The following CCDC92B variants were observed in gnomAD, a reference collection of about 807,000 sequenced individuals.
CCDC92B encodes the protein coiled-coil domain containing 92B, also known as coiled-coil domain-containing 92B.
CCDC92B carries 2 observed loss-of-function variants against 5.6 expected under a neutral mutation model. The ratio of observed to expected loss-of-function variants is 0.36; its 90% CI spans 0.15 to 1.12. The LOEUF (loss-of-function observed/expected upper bound fraction) is 1.12. CCDC92B is among the 50% of genes most tolerant of loss of function. The pLI, the probability that CCDC92B is intolerant of heterozygous loss-of-function variation, is 0.40. For synonymous variants in CCDC92B, 115 were observed against 122.3 expected (o/e 0.94, Z 0.39); for missense variants, 271 against 262.2 (o/e 1.03, Z -0.23).
chr17:2,727,383 C>T (rs769130392), intron 3 of CCDC92B, among the ~76,000 whole-genome samples: 3 of 152,188 alleles, frequency 2.0e-5, no homozygotes, highest in Admixed American at 6.5e-5. Flanking sequence ...GTGGTTCTCA[C>T]GTGCAGCGTG....
rs1194235262 is a variant in CCDC92B, at chr17:2,724,818, G to C, written c.361C>G (p.His121Asp). ...TCGGTGCCCAGCACGGTGGCGCGGT[G>C]GCTGCGGCGGCGCAGCTCCTCCAGG... ...RFLEELRRRSHRATVLGTELQ... is the reference protein window; with the variant it reads ...RFLEELRRRSDRATVLGTELQ... Residue 121 changes from histidine (H) to aspartate (D), a missense_variant, in exon 4 of 4, where the codon CAC becomes GAC. Physicochemically the swap from His to Asp is moderately conservative, Grantham distance 81. Coordinates refer to ENST00000614400, the MANE Select transcript of CCDC92B (RefSeq NM_001355573.2). The surrounding 1 kb of genome is among the most constrained non-coding windows in gnomAD (Gnocchi z 5.0). 2.0e-6 allele frequency: 2 copies of C among 984,816 alleles called. No homozygotes were observed. Among genetic ancestry groups the C allele is most frequent in the South Asian group, 9.4e-5 (2 of 21,290 alleles). 61.0% of individuals were successfully genotyped at this position (984,816 alleles called of 1,614,324 possible).
rs112035151 is a variant in CCDC92B, at chr17:2,723,869, A to C, written c.*542T>G. 0.018 allele frequency: 14,025 copies of C among 764,316 alleles called. 1,632 individuals are homozygous for C. The African/African-American group carries it at 0.24, about 13-fold the overall frequency. 47.3% of individuals were successfully genotyped at this position (764,316 alleles called of 1,614,324 possible). On this transcript the variant is annotated 3_prime_UTR_variant, in exon 4 of 4. Coordinates refer to ENST00000614400, the MANE Select transcript of CCDC92B (RefSeq NM_001355573.2). ...AAGTGTTCCGTGCTCACCTGCAAGG[A>C]CCTATCGGCAGGGTCAGGGTGGGGG...
At chr17:2,741,336 A>G (rs2070924134) in intron 1 of CCDC92B, among the ~76,000 whole-genome samples, 2 of 152,038 alleles carry the variant, frequency 1.3e-5, no homozygotes, top group Non-Finnish European at 2.9e-5. Flanking sequence ...GGTCGCAGGA[A>G]GGAAGGTTAG....
chr17:2,733,374 C>G (rs1451582461), intron 2 of CCDC92B, among the ~76,000 whole-genome samples: 3 of 151,820 alleles, frequency 2.0e-5, no homozygotes, highest in Non-Finnish European at 4.4e-5. Context: ...ATTCTCCTGC[C>G]TCAGCCTCCC....
intron 1 of CCDC92B, among the ~76,000 whole-genome samples, chr17:2,736,890 AT>A (rs2070864178): frequency 6.9e-6 from 1 of 145,264 alleles, no homozygotes; most frequent in African/African-American, 2.8e-5. Context: ...CAAAAAATAA[AT>A]AAATAAATAA....
intron 3 of CCDC92B, among the ~76,000 whole-genome samples, chr17:2,727,587 A>T (rs1484069510): frequency 6.6e-6 from 1 of 152,198 alleles, no homozygotes; most frequent in African/African-American, 2.4e-5. Flanking sequence ...GCACTTTGGG[A>T]GGCCAAGGTG....
chr17:2,728,475 G>A (rs565688726), intron 3 of CCDC92B, among the ~76,000 whole-genome samples: 68 of 152,006 alleles, frequency 4.5e-4, no homozygotes, highest in South Asian at 2.3e-3. Context: ...GCGTGGTGGC[G>A]GGCGCCTGTA....
At chr17:2,733,506 G>A (rs979217592) in intron 2 of CCDC92B, among the ~76,000 whole-genome samples, 3 of 148,744 alleles carry the variant, frequency 2.0e-5, no homozygotes, top group East Asian at 2.0e-4. Flanking sequence ...TGATCCGCCC[G>A]CCTCAGCCTC....
rs151315098 is a variant in CCDC92B at position 2,731,910 on chromosome 17, G to A, written c.131-1417C>T. 3.0e-4 allele frequency among the ~76,000 whole-genome samples: 46 copies of A among 152,348 alleles called. No individual in the cohort carries two copies. The East Asian group carries it at 6.9e-3, about 23-fold the overall frequency. On this transcript the variant is annotated intron_variant, in intron 2 of 3. Transcript: ENST00000614400. ...TCAGCCTTTCAACACAGGACTTGGGGGTAGGGAGATAAAAATCTCAGCTGG... is the reference window on the plus strand; with the variant it reads ...TCAGCCTTTCAACACAGGACTTGGGAGTAGGGAGATAAAAATCTCAGCTGG...
At chr17:2,747,803 C>T (rs1459225875) in intron 1 of CCDC92B, among the ~76,000 whole-genome samples, 2 of 152,114 alleles carry the variant, frequency 1.3e-5, no homozygotes, top group African/African-American at 4.8e-5. Context: ...AGGCCTGGGG[C>T]AGTCGGAAAG....
At position 2,740,390 on chromosome 17, in the gene CCDC92B, G is replaced by A. The variant is rs150287573; in HGVS notation, c.-23-5222C>T. 2.7e-4 allele frequency among the ~76,000 whole-genome samples: 41 copies of A among 152,150 alleles called. No homozygotes were observed. In the East Asian group the frequency reaches 6.6e-3, roughly 24 times the overall value. On this transcript the variant is annotated intron_variant, in intron 1 of 3. Transcript: ENST00000614400. ...TAGGCAAAACCCTGAGGCTGGGCAC[G>A]GTGGTTTATGCCTGTAATCTCAGCA... is the stretch of plus-strand genomic sequence containing the variant.
intron 1 of CCDC92B, among the ~76,000 whole-genome samples, chr17:2,746,970 C>T (rs540700875): frequency 6.6e-6 from 1 of 152,160 alleles, no homozygotes; most frequent in African/African-American, 2.4e-5. Context: ...CAGCGCCTGG[C>T]CTGCTAACCA....
intron 1 of CCDC92B, among the ~76,000 whole-genome samples, chr17:2,743,165 C>T (rs2070941855): frequency 6.6e-6 from 1 of 152,196 alleles, no homozygotes; most frequent in African/African-American, 2.4e-5. Context: ...CACGGTGGCT[C>T]ACGCCTGTCA....
chr17:2,739,871 C>T (rs2070907934), intron 1 of CCDC92B, among the ~76,000 whole-genome samples: 1 of 152,024 alleles, frequency 6.6e-6, no homozygotes, highest in African/African-American at 2.4e-5. Flanking sequence ...ATTTAGTGAT[C>T]TACTATTGCC....
intron 1 of CCDC92B, among the ~76,000 whole-genome samples, chr17:2,743,715 C>T (rs1265253884): frequency 6.6e-6 from 1 of 152,138 alleles, no homozygotes; most frequent in African/African-American, 2.4e-5. Context: ...GGCCTATTCC[C>T]CTCCTTCATT....
intron 3 of CCDC92B, among the ~76,000 whole-genome samples, chr17:2,728,914 A>C (rs1422462484): frequency 1.3e-5 from 2 of 152,234 alleles, no homozygotes; most frequent in Non-Finnish European, 2.9e-5. Context: ...CTAACATCAT[A>C]GCTTAAACTT....
At chr17:2,733,623 C>A (rs1330479420) in intron 2 of CCDC92B, among the ~76,000 whole-genome samples, 1 of 151,826 alleles carries the variant, frequency 6.6e-6, no homozygotes, top group East Asian at 1.9e-4. Context: ...GATACTTGGG[C>A]CATTCTTGTC....
intron 1 of CCDC92B, among the ~76,000 whole-genome samples, chr17:2,742,355 G>C (rs1274470390): frequency 6.6e-6 from 1 of 152,140 alleles, no homozygotes; most frequent in Middle Eastern, 3.2e-3. Flanking sequence ...GAGTGGATGT[G>C]GGGAGGTCAG....
At chr17:2,736,153 G>A (rs998965637) in intron 1 of CCDC92B, among the ~76,000 whole-genome samples, 6 of 152,198 alleles carry the variant, frequency 3.9e-5, no homozygotes, top group Non-Finnish European at 8.8e-5. Context: ...AGGCGGGCCG[G>A]GCGCGGTGGC....
Sources: allele counts gnomAD v4.1 joint callset (sites outside exome capture counted in the v4.1 genomes callset), GRCh38; gene constraint gnomAD v4.1.1; non-coding constraint Gnocchi (gnomAD v3.1); transcripts MANE v1.5; gene names NCBI Gene and HGNC (gene_info 2026-07-23, HGNC 2026-07-21).